The following DYNC1I1 variants were observed in gnomAD, a reference collection of about 807,000 sequenced individuals.
DYNC1I1 encodes dynein cytoplasmic 1 intermediate chain 1, also known as cytoplasmic dynein 1 intermediate chain 1.
Under a neutral mutation model 86.6 loss-of-function variants are expected in DYNC1I1, and 43 were observed. That is an observed-to-expected ratio of 0.50 (90% confidence interval 0.39 to 0.64). DYNC1I1 has a LOEUF of 0.64. Among genes scored for constraint, DYNC1I1 ranks in the 30% least tolerant of loss-of-function variants. The probability of loss-of-function intolerance (pLI) is 0.00; values close to 1 mark genes in which losing one functional copy is unlikely to be tolerated. For synonymous variants in DYNC1I1, 262 were observed against 283.7 expected (o/e 0.92, Z 0.77); for missense variants, 604 against 788.8 (o/e 0.77, Z 2.81).
At chr7:95,926,338 ATTT>A (rs1791744255) in intron 6 of DYNC1I1, among the ~76,000 whole-genome samples, 3 of 152,294 alleles carry the variant, frequency 2.0e-5, no homozygotes, top group African/African-American at 7.2e-5. Context: ...GTGAAGTACT[ATTT>A]AGCCATTTTA....
At chr7:95,976,624 A>G (rs543848965) in intron 6 of DYNC1I1, among the ~76,000 whole-genome samples, 1 of 152,170 alleles carries the variant, frequency 6.6e-6, no homozygotes, top group Non-Finnish European at 1.5e-5. Context: ...CTCTCTTTGA[A>G]CCAATGAAAT....
At chr7:95,855,659 C>G in intron 5 of DYNC1I1, among the ~76,000 whole-genome samples, 1 of 152,160 alleles carries the variant, frequency 6.6e-6, no homozygotes, top group East Asian at 1.9e-4. Flanking sequence ...AAGGTATAGC[C>G]TATTGCTCTT....
At chr7:95,895,433 C>T (rs548011060) in intron 6 of DYNC1I1, among the ~76,000 whole-genome samples, 6 of 152,260 alleles carry the variant, frequency 3.9e-5, no homozygotes, top group South Asian at 4.1e-4. Context: ...GTACGAGGAT[C>T]AGCTTCGACG....
At chr7:95,811,936 C>A (rs535621439) in intron 3 of DYNC1I1, among the ~76,000 whole-genome samples, 8 of 152,220 alleles carry the variant, frequency 5.3e-5, no homozygotes, top group African/African-American at 1.9e-4. Context: ...CTACATAAAG[C>A]CAGTAATTAA....
chr7:96,092,308 A>G (rs1584316104), intron 16 of DYNC1I1, among the ~76,000 whole-genome samples: 1 of 152,356 alleles, frequency 6.6e-6, no homozygotes, highest in South Asian at 2.1e-4. Flanking sequence ...TCATGTATTC[A>G]GGGTTTATAG....
intron 14 of DYNC1I1, among the ~76,000 whole-genome samples, chr7:96,061,644 G>GGAAAAAGA (rs1789772452): frequency 7.1e-6 from 1 of 141,082 alleles, no homozygotes; most frequent in Non-Finnish European, 1.5e-5. Context: ...GATTTGGTAT[G>GGAAAAAGA]GAAAAAGAGT....
At chr7:96,042,740 A>G (rs1490482629) in intron 14 of DYNC1I1, among the ~76,000 whole-genome samples, 1 of 152,210 alleles carries the variant, frequency 6.6e-6, no homozygotes, top group Non-Finnish European at 1.5e-5. Flanking sequence ...CAAACTCATT[A>G]TTTTGAAAAC....
chr7:95,810,267 T>C, intron 2 of DYNC1I1, 125 bp from the exon 3 acceptor site: 1 of 584,702 alleles, frequency 1.7e-6, no homozygotes, highest in Non-Finnish European at 2.8e-6. Context: ...TTTATACATG[T>C]GATTATATCT....
intron 3 of DYNC1I1, among the ~76,000 whole-genome samples, chr7:95,811,605 A>G (rs1157539887): frequency 6.6e-6 from 1 of 152,156 alleles, no homozygotes; most frequent in Non-Finnish European, 1.5e-5. Context: ...ACTATTAAAA[A>G]TCATTTTATA....
chr7:96,084,714 C>G (rs905480986), intron 16 of DYNC1I1, among the ~76,000 whole-genome samples: 13 of 152,010 alleles, frequency 8.6e-5, no homozygotes, highest in Non-Finnish European at 1.9e-4. Flanking sequence ...TGAGCCACTG[C>G]ACCCTGCCTC....
Position 95,832,979 on chromosome 7 carries a change from T to C in DYNC1I1, c.374+4863T>C, listed in dbSNP as rs1013196547. 2.0e-5 allele frequency among the ~76,000 whole-genome samples: 3 copies of C among 151,232 alleles called. 1 individual carries two copies. The highest frequency in any genetic ancestry group is 4.4e-5 in the Non-Finnish European group (3 of 67,712). On this transcript the variant is annotated intron_variant, in intron 5 of 16. Transcript: ENST00000447467. ...GCAGAAGCTCTTTAGTTTAATTAGA[T>C]CCCATTTGTCAATTTTGGCTTTTGT...
intron 13 of DYNC1I1, among the ~76,000 whole-genome samples, chr7:96,038,831 A>G (rs1340139059): frequency 6.6e-6 from 1 of 152,186 alleles, no homozygotes; most frequent in Non-Finnish European, 1.5e-5. Flanking sequence ...TCCTTCAAGG[A>G]TGGATGGAGT....
chr7:95,858,799 A>C (rs900423339), intron 5 of DYNC1I1, among the ~76,000 whole-genome samples: 2 of 151,002 alleles, frequency 1.3e-5, no homozygotes, highest in Admixed American at 6.6e-5. Context: ...ACTCCTTCTT[A>C]AACTCCTGAG....
intron 1 of DYNC1I1, among the ~76,000 whole-genome samples, chr7:95,800,343 G>A (rs1794547614): frequency 6.6e-6 from 1 of 152,038 alleles, no homozygotes; most frequent in African/African-American, 2.4e-5. Flanking sequence ...AAGACAAGGG[G>A]TGAAATGGGG....
chr7:95,942,851 T>C (rs868752747), intron 6 of DYNC1I1, among the ~76,000 whole-genome samples: 4,662 of 145,748 alleles, frequency 0.032, 169 homozygotes, highest in African/African-American at 0.098. Flanking sequence ...CTCAATAAAT[T>C]AGGTATTGAT....
chr7:95,998,133 T>C (rs1356267143), intron 10 of DYNC1I1, among the ~76,000 whole-genome samples: 2 of 152,238 alleles, frequency 1.3e-5, no homozygotes, highest in African/African-American at 4.8e-5. Context: ...TCTCATTGAT[T>C]GTACAACAGG....
chr7:95,977,628 A>G (rs773803907), intron 7 of DYNC1I1, 27 bp downstream of exon 7: 1 of 1,589,384 alleles, frequency 6.3e-7, no homozygotes, highest in Admixed American at 1.7e-5. Context: ...AAACTGAGTA[A>G]TCATTTTATT....
chr7:95,891,970 T>C (rs1584133570), intron 6 of DYNC1I1, among the ~76,000 whole-genome samples: 1 of 6,164 alleles, frequency 1.6e-4, no homozygotes, highest in African/African-American at 3.1e-4. Context: ...TTTTTGTAAC[T>C]TTTTTTTTTC....
intron 5 of DYNC1I1, among the ~76,000 whole-genome samples, chr7:95,854,907 A>G (rs906100134): frequency 2.0e-5 from 3 of 152,194 alleles, no homozygotes; most frequent in Admixed American, 6.5e-5. Flanking sequence ...CAATATAAAC[A>G]GTTGGCTACC....
Sources: allele counts gnomAD v4.1 joint callset (sites outside exome capture counted in the v4.1 genomes callset), GRCh38; gene constraint gnomAD v4.1.1; transcripts MANE v1.5; gene names NCBI Gene and HGNC (gene_info 2026-07-23, HGNC 2026-07-21).